The following OR3A1 variants were observed in gnomAD, a reference collection of about 807,000 sequenced individuals.
OR3A1 encodes olfactory receptor family 3 subfamily A member 1.
For synonymous variants in OR3A1, 145 were observed against 160.0 expected, an observed-to-expected ratio of 0.91 and a Z score of 0.71; for missense variants, 402 against 393.8, an observed-to-expected ratio of 1.02 and a Z score of -0.18.
In OR3A1 at chr17:3,296,095, A is replaced by G. The variant is rs539477832; in HGVS notation, c.-7+2188T>C. 2.0e-5 allele frequency among the ~76,000 whole-genome samples: 3 copies of G among 152,294 alleles called. No homozygotes were observed. The East Asian group carries it at 5.8e-4, about 29-fold the overall frequency. On this transcript the variant is annotated intron_variant, in intron 1 of 1. Coordinates refer to ENST00000323404, the MANE Select transcript of OR3A1 (RefSeq NM_002550.3). The stretch of plus-strand genomic sequence containing the variant: ...AGTGCCCATGAAACATTTACTGCCC[A>G]GAAACAGCATATATAAAACCAGAAA...
In OR3A1 at chr17:3,291,833, C is replaced by T. The variant is rs758418499; in HGVS notation, c.750G>A (p.Val250=). The T allele has an allele frequency of 8.7e-6, 14 of 1,613,760 alleles. No homozygotes were observed. The African/African-American group carries it at 1.9e-4, about 22-fold the overall frequency. ...AFSTCGSHLT[V]VAIFYGSGIF... The stretch of plus-strand genomic sequence containing the variant: ...TACCTGAACCATAGAATATGGCAAC[C>T]ACAGTGAGGTGGGAGCCACATGTGG... Residue 250 remains valine (V), a synonymous_variant, in exon 2 of 2, where the codon GTG becomes GTA. Transcript: ENST00000323404.
chr17:3,296,538 A>AT (rs1357090895), intron 1 of OR3A1, among the ~76,000 whole-genome samples: 4 of 152,198 alleles, frequency 2.6e-5, no homozygotes, highest in Admixed American at 6.5e-5. Flanking sequence ...AACTTGTTAA[A>AT]TTTTTTATTA....
chr17:3,291,720 A>C lies in OR3A1; in HGVS notation c.863T>G (p.Leu288Arg), dbSNP rs1210714319. Reference protein sequence around the residue: ...GIFNTVINPMLNPIIYSFRNP... With the variant: ...GIFNTVINPMRNPIIYSFRNP... ...TCTGAAGCTGTAGATGATTGGGTTCAGCATGGGATTGATGACAGTGTTGAA... is the reference window on the plus strand; with the variant it reads ...TCTGAAGCTGTAGATGATTGGGTTCCGCATGGGATTGATGACAGTGTTGAA... The change falls in exon 2 of 2, where the codon CTG (leucine) becomes CGG (arginine). Residue 288 changes from leucine to arginine, a missense_variant. Leu to Arg is a moderately radical substitution (Grantham distance 102). Coordinates refer to ENST00000323404, the MANE Select transcript of OR3A1 (RefSeq NM_002550.3). The C allele has an allele frequency of 6.2e-7, 1 of 1,613,502 alleles. No individual in the cohort carries two copies. Among genetic ancestry groups the C allele is most frequent in the Non-Finnish European group, 8.5e-7 (1 of 1,179,410 alleles).
At chr17:3,298,093 T>C (rs985858826) in intron 1 of OR3A1, among the ~76,000 whole-genome samples, 190 bp downstream of exon 1, 7 of 152,138 alleles carry the variant, frequency 4.6e-5, no homozygotes, top group Admixed American at 1.3e-4. Flanking sequence ...GTCTTTTTGA[T>C]AGAACATCTC....
chr17:3,296,621 A>G (rs1396176847), intron 1 of OR3A1, among the ~76,000 whole-genome samples: 1 of 152,218 alleles, frequency 6.6e-6, no homozygotes, highest in Non-Finnish European at 1.5e-5. Flanking sequence ...CAATTACATT[A>G]AAAGATTAAA....
rs201389844 is a variant in OR3A1 at position 3,291,759 on chromosome 17, T to C, written c.824A>G (p.Lys275Arg). Reference protein sequence around the residue: ...LGSTKLSDKDKAVGIFNTVIN... With the variant: ...LGSTKLSDKDRAVGIFNTVIN... ...GACAGTGTTGAAAATTCCAACAGCTTTATCCTTGTCTGAAAGCTTGGTTGA... is the reference window on the plus strand; with the variant it reads ...GACAGTGTTGAAAATTCCAACAGCTCTATCCTTGTCTGAAAGCTTGGTTGA... Residue 275 changes from lysine (K) to arginine (R), a missense_variant, in exon 2 of 2, where the codon AAA becomes AGA. Transcript: ENST00000323404. 7 of 1,613,802 alleles carry C rather than the reference T, an allele frequency of 4.3e-6. No homozygotes were observed. The East Asian group carries it at 8.9e-5, about 21-fold the overall frequency.
In OR3A1 at chr17:3,291,555, C is replaced by A. The variant is rs1054296849; in HGVS notation, c.*80G>T. 26 of 1,167,484 alleles carry A rather than the reference C, an allele frequency of 2.2e-5. 1 individual carries two copies. Among genetic ancestry groups the A allele is most frequent in the East Asian group, 1.2e-4 (5 of 42,042 alleles). 72.3% of individuals were successfully genotyped at this position (1,167,484 alleles called of 1,614,324 possible). A position where few individuals can be genotyped will look rare whatever the true frequency, so the allele number is the denominator to read the frequency against. On this transcript the variant is annotated 3_prime_UTR_variant, in exon 2 of 2. Coordinates refer to ENST00000323404, the MANE Select transcript of OR3A1 (RefSeq NM_002550.3). ...CCATGAAACAGAAACAGGTGTGAAC[C>A]ATTTTTTTCCTAGTTTCTGGCTCTA...
chr17:3,291,568 G>C lies in OR3A1; in HGVS notation c.*67C>G. On this transcript the variant is annotated 3_prime_UTR_variant, in exon 2 of 2. Coordinates refer to ENST00000323404, the MANE Select transcript of OR3A1 (RefSeq NM_002550.3). ...ACAGGTGTGAACCATTTTTTTCCTA[G>C]TTTCTGGCTCTAGAAGACTTTTCCT... 1 of 1,336,342 alleles carries C rather than the reference G, an allele frequency of 7.5e-7. No individual in the cohort carries two copies. The highest frequency in any genetic ancestry group is 1.0e-6 in the Non-Finnish European group (1 of 976,854). 82.8% of individuals were successfully genotyped at this position (1,336,342 alleles called of 1,614,324 possible). A position where few individuals can be genotyped will look rare whatever the true frequency, so the allele number is the denominator to read the frequency against.
intron 1 of OR3A1, among the ~76,000 whole-genome samples, chr17:3,293,399 G>A (rs2048893361): frequency 6.6e-6 from 1 of 152,128 alleles, no homozygotes; most frequent in Admixed American, 6.5e-5. Context: ...TTACCTGTCT[G>A]CATTCATTAC....
chr17:3,294,640 T>C (rs1240639038), intron 1 of OR3A1, among the ~76,000 whole-genome samples: 1 of 152,118 alleles, frequency 6.6e-6, no homozygotes, highest in Non-Finnish European at 1.5e-5. Context: ...CACTGGAGTA[T>C]CACTGAATAT....
At position 3,291,941 on chromosome 17, in the gene OR3A1, C is replaced by CA; in HGVS notation, c.641dup (p.Met214IlefsTer48). ...GGATATAGGAGATGACAATGAGAGC[C>CA]ATGGGGGTACCTGCCATTATAAAAC... On this transcript the variant is annotated frameshift_variant, in exon 2 of 2. Coordinates refer to ENST00000323404, the MANE Select transcript of OR3A1 (RefSeq NM_002550.3). LOFTEE classifies it low-confidence loss of function (END_TRUNC). 6.2e-7 allele frequency: 1 copy of CA among 1,614,208 alleles called. No homozygotes were observed. The highest frequency in any genetic ancestry group is 8.5e-7 in the Non-Finnish European group (1 of 1,180,024).
intron 1 of OR3A1, among the ~76,000 whole-genome samples, chr17:3,295,865 G>A (rs545690277): frequency 6.6e-6 from 1 of 152,202 alleles, no homozygotes; most frequent in East Asian, 1.9e-4. Context: ...GATGTAATAG[G>A]TATGAAAACG....
chr17:3,291,697 T>C lies in OR3A1; in HGVS notation c.886A>G (p.Arg296Gly). 3 of 1,611,636 alleles carry C rather than the reference T, an allele frequency of 1.9e-6. No individual in the cohort carries two copies. The highest frequency in any genetic ancestry group is 2.5e-6 in the Non-Finnish European group (3 of 1,177,866). ...PMLNPIIYSF[R>G]NPDVQSAIWR... ...ATGGCACTCTGCACATCAGGGTTTC[T>C]GAAGCTGTAGATGATTGGGTTCAGC... The change falls in exon 2 of 2, where the codon AGA (arginine) becomes GGA (glycine). Residue 296 changes from arginine (R) to glycine (G), a missense_variant. Physicochemically the swap from Arg to Gly is moderately radical, Grantham distance 125. Transcript: ENST00000323404.
At position 3,294,214 on chromosome 17, in the gene OR3A1, A is replaced by C. The variant is rs541785702; in HGVS notation, c.-6-1626T>G. On this transcript the variant is annotated intron_variant, in intron 1 of 1. Transcript: ENST00000323404. ...ACTTAAGGAGGCATTTTCTGGTATA[A>C]AATAAGAAAACAGAGTAAAAATATA... 5.9e-5 allele frequency among the ~76,000 whole-genome samples: 9 copies of C among 152,218 alleles called. No individual in the cohort carries two copies. The South Asian group carries it at 1.2e-3, about 21-fold the overall frequency.
intron 1 of OR3A1, among the ~76,000 whole-genome samples, chr17:3,297,187 TC>T (rs1410237873): frequency 6.6e-6 from 1 of 152,152 alleles, no homozygotes; most frequent in African/African-American, 2.4e-5. Context: ...ATAGGGTGTC[TC>T]CTAAAAATTC....
Position 3,291,633 on chromosome 17 carries a change from C to T in OR3A1, c.*2G>A. The T allele has an allele frequency of 6.3e-7, 1 of 1,592,068 alleles. No individual in the cohort carries two copies. Among genetic ancestry groups the T allele is most frequent in the African/African-American group, 1.3e-5 (1 of 74,672 alleles). The stretch of plus-strand genomic sequence containing the variant: ...AGGGAGAAAGGGTCAATTGAGACCT[C>T]CTCAAGCCAGTGACCGCCTCCCTGT... On this transcript the variant is annotated 3_prime_UTR_variant, in exon 2 of 2. Transcript: ENST00000323404.
rs2048886081 is a variant in OR3A1, at chr17:3,292,564, C to G, written c.19G>C (p.Ala7Pro). 21 of 1,608,128 alleles carry G rather than the reference C, an allele frequency of 1.3e-5. No homozygotes were observed. Among genetic ancestry groups the G allele is most frequent in the Non-Finnish European group, 1.8e-5 (21 of 1,176,212 alleles). The change falls in exon 2 of 2, where the codon GCC (alanine) becomes CCC (proline). Residue 7 changes from alanine (A) to proline (P), a missense_variant. Coordinates refer to ENST00000323404, the MANE Select transcript of OR3A1 (RefSeq NM_002550.3). MQPESGANGTVIAEFIL... is the reference protein window; with the variant it reads MQPESGPNGTVIAEFIL... Reference sequence around the variant, plus strand: ...AACTCAGCAATGACTGTTCCATTGGCCCCAGATTCTGGCTGCATGAGTTCC... The same window carrying G: ...AACTCAGCAATGACTGTTCCATTGGGCCCAGATTCTGGCTGCATGAGTTCC...
At chr17:3,293,197 A>G (rs1420759630) in intron 1 of OR3A1, among the ~76,000 whole-genome samples, 2 of 152,138 alleles carry the variant, frequency 1.3e-5, no homozygotes, top group African/African-American at 2.4e-5. Context: ...TCAACAAAAA[A>G]CAAAACCAAA....
At chr17:3,295,354 G>C (rs568109499) in intron 1 of OR3A1, among the ~76,000 whole-genome samples, 5 of 151,896 alleles carry the variant, frequency 3.3e-5, no homozygotes, top group African/African-American at 4.8e-5. Context: ...AAAGAAACAG[G>C]AATATACTAA....
Sources: allele counts gnomAD v4.1 joint callset (sites outside exome capture counted in the v4.1 genomes callset), GRCh38; gene constraint gnomAD v4.1.1; transcripts MANE v1.5; gene names NCBI Gene and HGNC (gene_info 2026-07-23, HGNC 2026-07-21).